The following CYGB variants were observed in gnomAD, a reference collection of about 807,000 sequenced individuals.
The protein encoded by CYGB is cytoglobin.
Under a neutral mutation model 20.7 loss-of-function variants are expected in CYGB, and 13 were observed. That is an observed-to-expected ratio of 0.63 (90% CI 0.41 to 1.00). The LOEUF is 1.00. Among genes scored for constraint, CYGB ranks in the 50% least tolerant of loss-of-function variants. The pLI is 0.00. For missense variants in CYGB, 218 were observed against 257.2 expected, an observed-to-expected ratio of 0.85 and a Z score of 1.04; for synonymous variants, 93 against 107.4, an observed-to-expected ratio of 0.87 and a Z score of 0.83.
chr17:76,531,432 G>C lies in CYGB; in HGVS notation c.375+28C>G. 6.3e-7 allele frequency: 1 copy of C among 1,592,822 alleles called. No homozygotes were observed. Among genetic ancestry groups the C allele is most frequent in the African/African-American group, 1.3e-5 (1 of 74,712 alleles). On this transcript the variant is annotated intron_variant, in intron 2 of 3. Coordinates refer to ENST00000293230, the MANE Select transcript of CYGB (RefSeq NM_134268.5). This position sits in a 1 kb window ranked among gnomAD's most constrained non-coding sequence, Gnocchi z 7.4. The stretch of plus-strand genomic sequence containing the variant: ...GATGGCCATGACGCGTGGGCGGTGG[G>C]GGCTCTGCAGCAGATGGGGGCGCAT...
intron 1 of CYGB, among the ~76,000 whole-genome samples, chr17:76,547,803 CAG>C (rs1220412490): frequency 5.3e-5 from 8 of 149,852 alleles, no homozygotes; most frequent in East Asian, 3.9e-4. Flanking sequence ...CACACATTCA[CAG>C]AGACACACAT....
rs1412972917 is a variant in CYGB, at chr17:76,537,292, G to A, written c.143+108C>T. 12 of 1,267,458 alleles carry A rather than the reference G, an allele frequency of 9.5e-6. 1 individual carries two copies. The South Asian group carries it at 1.9e-4, about 20-fold the overall frequency. The allele number at this position is 1,267,458 out of a possible 1,614,324, so 78.5% of individuals were successfully genotyped here. ...CGCCGACCTCGGACCGGCCCCATTC[G>A]CGGCTGGGGAGGTGGCGCTGGAGCT... On this transcript the variant is annotated intron_variant, in intron 1 of 3. Coordinates refer to ENST00000293230, the MANE Select transcript of CYGB (RefSeq NM_134268.5).
upstream of CYGB, chr17:76,540,083 G>T: frequency 6.5e-7 from 1 of 1,536,930 alleles, no homozygotes; most frequent in East Asian, 2.4e-5. This position sits in a 1 kb window ranked among gnomAD's most constrained non-coding sequence, Gnocchi z 5.0. Context: ...GGGCCATTTT[G>T]GCCCCTCGCC....
At chr17:76,547,648 C>T (rs865786063) in intron 1 of CYGB, among the ~76,000 whole-genome samples, 1 of 70,988 alleles carries the variant, frequency 1.4e-5, no homozygotes, top group East Asian at 2.5e-4. Flanking sequence ...CACATTCACA[C>T]ACACACACAC....
Position 76,528,943 on chromosome 17 carries a change from T to C in CYGB, c.540-332A>G. On this transcript the variant is annotated intron_variant, in intron 3 of 3. Coordinates refer to ENST00000293230, the MANE Select transcript of CYGB (RefSeq NM_134268.5). This position sits in a 1 kb window ranked among gnomAD's most constrained non-coding sequence, Gnocchi z 5.8. ...ATGTGAGCTCTTTTTCCATTAATTC[T>C]GAAACGTGGCGCATTCTGTCCGGCC... 1 of 1,103,602 alleles carries C rather than the reference T, an allele frequency of 9.1e-7. No individual in the cohort carries two copies. The highest frequency in any genetic ancestry group is 3.9e-4 in the Middle Eastern group (1 of 2,588). The allele number at this position is 1,103,602 out of a possible 1,614,324, so 68.4% of individuals were successfully genotyped here.
chr17:76,544,228 C>G lies in CYGB; in HGVS notation c.-53+6634G>C, dbSNP rs756335948. 1.9e-4 allele frequency: 86 copies of G among 454,422 alleles called. 1 individual carries two copies. Among genetic ancestry groups the G allele is most frequent in the Middle Eastern group, 6.8e-4 (1 of 1,466 alleles). 28.1% of individuals were successfully genotyped at this position (454,422 alleles called of 1,614,324 possible). A position where few individuals can be genotyped will look rare whatever the true frequency, so the allele number is the denominator to read the frequency against. Reference sequence around the variant, plus strand: ...CTCTGTGCACACGCGTCTCTCCTCCCCAGCCAGCCCCCCTCCCAGCCCAGC... The same window carrying G: ...CTCTGTGCACACGCGTCTCTCCTCCGCAGCCAGCCCCCCTCCCAGCCCAGC... On this transcript the variant is annotated intron_variant, in intron 1 of 3. Transcript: ENST00000589145.
At chr17:76,537,249 G>GC in intron 1 of CYGB, 151 bp downstream of exon 1, 1 of 848,106 alleles carries the variant, frequency 1.2e-6, no homozygotes, top group Non-Finnish European at 1.6e-6. Context: ...ACCCCAAGGC[G>GC]CCCCACGCCG....
At chr17:76,544,652 G>C (rs1229301103) in intron 1 of CYGB, 2 of 456,670 alleles carry the variant, frequency 4.4e-6, no homozygotes, top group Non-Finnish European at 8.8e-6. Context: ...TCTCTCTTTG[G>C]AGGCATCGGC....
upstream of CYGB, among the ~76,000 whole-genome samples, chr17:76,540,783 C>T (rs1023439166): frequency 1.3e-5 from 2 of 152,248 alleles, no homozygotes; most frequent in African/African-American, 4.8e-5. The surrounding 1 kb of genome is among the most constrained non-coding windows in gnomAD (Gnocchi z 5.0). Flanking sequence ...GCTCGCTCCT[C>T]TGGACCAAAG....
In CYGB at chr17:76,533,267, C is replaced by T. The variant is rs2074869679; in HGVS notation, c.144-1576G>A. ...TTGCAGAAGGGCAAGAGGAGGGCCC[C>T]CGCTCACTGCTTCATGGATACACGG... On this transcript the variant is annotated intron_variant, in intron 1 of 3. Coordinates refer to ENST00000293230, the MANE Select transcript of CYGB (RefSeq NM_134268.5). This position sits in a 1 kb window ranked among gnomAD's most constrained non-coding sequence, Gnocchi z 4.5. 6.6e-6 allele frequency among the ~76,000 whole-genome samples: 1 copy of T among 152,192 alleles called. No individual in the cohort carries two copies. The highest frequency in any genetic ancestry group is 6.5e-5 in the Admixed American group (1 of 15,282).
In CYGB at chr17:76,531,161, A is replaced by C. The variant is rs1271689435; in HGVS notation, c.376-19T>G. On this transcript the variant is annotated intron_variant, in intron 2 of 3. Transcript: ENST00000293230. The surrounding 1 kb of genome is among the most constrained non-coding windows in gnomAD (Gnocchi z 7.4). ...AGAGGATCTGGGGGCAAAGGGAGGA[A>C]GGGGGAGTGAACGCCCGGGCGCCCT... is the stretch of plus-strand genomic sequence containing the variant. 1 of 1,607,330 alleles carries C rather than the reference A, an allele frequency of 6.2e-7. No individual in the cohort carries two copies. Among genetic ancestry groups the C allele is most frequent in the Admixed American group, 1.7e-5 (1 of 59,622 alleles).
At chr17:76,544,141 A>G (rs1485338526) in intron 1 of CYGB, 2 of 454,636 alleles carry the variant, frequency 4.4e-6, no homozygotes, top group East Asian at 1.4e-4. Context: ...ATCCAGGAGC[A>G]GACCCTGCAG....
In CYGB at chr17:76,531,869, G is replaced by A. The variant is rs986580548; in HGVS notation, c.144-178C>T. On this transcript the variant is annotated intron_variant, in intron 1 of 3. Transcript: ENST00000293230. This position sits in a 1 kb window ranked among gnomAD's most constrained non-coding sequence, Gnocchi z 7.4. The stretch of plus-strand genomic sequence containing the variant: ...AGACCCTCCTCCCTCTGGCCAAGCC[G>A]GCTCACCCCTACCAAGTCTGGCCAT... The A allele has an allele frequency of 4.4e-5, 25 of 574,480 alleles. No individual in the cohort carries two copies. Among genetic ancestry groups the A allele is most frequent in the Non-Finnish European group, 6.4e-5 (21 of 326,624 alleles). 35.6% of individuals were successfully genotyped at this position (574,480 alleles called of 1,614,324 possible).
Position 76,528,191 on chromosome 17 carries a change from G to A in CYGB, c.*387C>T. On this transcript the variant is annotated 3_prime_UTR_variant, in exon 4 of 4. Transcript: ENST00000293230. This position sits in a 1 kb window ranked among gnomAD's most constrained non-coding sequence, Gnocchi z 5.8. ...ATATATCTGTATATATGGTAGATGTGTGCGTGATACTCTAGATGGTGATGT... is the reference window on the plus strand; with the variant it reads ...ATATATCTGTATATATGGTAGATGTATGCGTGATACTCTAGATGGTGATGT... 1 of 397,826 alleles carries A rather than the reference G, an allele frequency of 2.5e-6. No individual in the cohort carries two copies. The highest frequency in any genetic ancestry group is 4.4e-6 in the Non-Finnish European group (1 of 226,298). The allele number at this position is 397,826 out of a possible 1,614,324, so 24.6% of individuals were successfully genotyped here.
At chr17:76,540,266 T>TGGGGGGGGGGGG (rs2074974709), upstream of CYGB, 2 of 343,106 alleles carry the variant, frequency 5.8e-6, no homozygotes. This position sits in a 1 kb window ranked among gnomAD's most constrained non-coding sequence, Gnocchi z 5.0. Context: ...GGGGGGGGCA[T>TGGGGGGGGGGGG]GGGGCTGGGC....
At chr17:76,547,591 G>A (rs1413126130) in intron 1 of CYGB, among the ~76,000 whole-genome samples, 1 of 152,008 alleles carries the variant, frequency 6.6e-6, no homozygotes, top group Non-Finnish European at 1.5e-5. Context: ...GACTCAGCCT[G>A]TGCACCTGGG....
intron 3 of CYGB, chr17:76,529,488 G>C: frequency 2.0e-6 from 2 of 985,440 alleles, no homozygotes; most frequent in Non-Finnish European, 2.4e-6. Context: ...GGGAACTTGG[G>C]CCATGTGTTT....
Position 76,547,404 on chromosome 17 carries a change from G to C in CYGB, c.-53+3458C>G, listed in dbSNP as rs4647882. On this transcript the variant is annotated intron_variant, in intron 1 of 3. Coordinates refer to the CYGB transcript ENST00000589145. Reference sequence around the variant, plus strand: ...AAGGTTGTTTTGATTTGTTTTTGCAGGGGGAGGGTGCAGGCCATGGAGACC... The same window carrying C: ...AAGGTTGTTTTGATTTGTTTTTGCACGGGGAGGGTGCAGGCCATGGAGACC... The C allele has an allele frequency of 7.8e-3, 1,198 of 152,958 alleles. 11 individuals carry two copies. Among genetic ancestry groups the C allele is most frequent in the Non-Finnish European group, 0.012 (793 of 68,492 alleles). 9.5% of individuals were successfully genotyped at this position (152,958 alleles called of 1,614,324 possible).
chr17:76,540,786 G>T (rs2074983123), upstream of CYGB, among the ~76,000 whole-genome samples: 1 of 152,210 alleles, frequency 6.6e-6, no homozygotes, highest in South Asian at 2.1e-4. The surrounding 1 kb of genome is among the most constrained non-coding windows in gnomAD (Gnocchi z 5.0). Flanking sequence ...CGCTCCTCTG[G>T]ACCAAAGCCG....
Sources: allele counts gnomAD v4.1 joint callset (sites outside exome capture counted in the v4.1 genomes callset), GRCh38; gene constraint gnomAD v4.1.1; non-coding constraint Gnocchi (gnomAD v3.1); transcripts MANE v1.5; gene names NCBI Gene and HGNC (gene_info 2026-07-23, HGNC 2026-07-21).